The following KANK1 variants were observed in gnomAD, a reference collection of about 807,000 sequenced individuals.
The protein encoded by KANK1 is KN motif and ankyrin repeat domains 1.
A neutral mutation model predicts 106.2 loss-of-function variants in KANK1; 109 were observed. The ratio of observed to expected loss-of-function variants is 1.03; its 90% CI spans 0.88 to 1.20. KANK1 has a LOEUF of 1.20. Ranked by LOEUF, KANK1 falls within the 50% of genes most tolerant of loss-of-function variation. The probability of loss-of-function intolerance (pLI) is 0.00; values close to 1 mark genes in which losing one functional copy is unlikely to be tolerated. For missense variants in KANK1, 2,399 were observed against 1,710.7 expected (o/e 1.40, Z -7.10); for synonymous variants, 873 against 652.2 (o/e 1.34, Z -5.16).
intron 1 of KANK1, among the ~76,000 whole-genome samples, chr9:620,363 C>T (rs1832856668): frequency 6.6e-6 from 1 of 152,106 alleles, no homozygotes; most frequent in South Asian, 2.1e-4. Flanking sequence ...TAGTAAACAA[C>T]ACGTAATTCT....
intron 1 of KANK1, among the ~76,000 whole-genome samples, chr9:553,037 T>C (rs2061374036): frequency 6.6e-6 from 1 of 152,220 alleles, no homozygotes. Flanking sequence ...TCCCAGCTAC[T>C]TGGGAGGCTG....
At chr9:690,151 A>C (rs1353371063) in intron 2 of KANK1, among the ~76,000 whole-genome samples, 5 of 149,486 alleles carry the variant, frequency 3.3e-5, no homozygotes, top group Non-Finnish European at 3.0e-5. Context: ...AAAAAAAAAA[A>C]AAAAACTAGC....
At chr9:675,844 G>A (rs553947799) in intron 1 of KANK1, among the ~76,000 whole-genome samples, 9 of 152,286 alleles carry the variant, frequency 5.9e-5, no homozygotes, top group African/African-American at 2.2e-4. Flanking sequence ...TATACACACA[G>A]TTACTTCTTG....
chr9:561,071 C>T (rs908184140), intron 1 of KANK1, among the ~76,000 whole-genome samples: 17 of 152,012 alleles, frequency 1.1e-4, no homozygotes, highest in African/African-American at 3.9e-4. Context: ...CAAACAAGTT[C>T]TACATTTTAA....
intron 1 of KANK1, among the ~76,000 whole-genome samples, chr9:522,117 C>G (rs543629983): frequency 4.6e-5 from 7 of 151,794 alleles, no homozygotes; most frequent in African/African-American, 1.7e-4. Context: ...GTGATTTCCT[C>G]ATTGCTTTGA....
chr9:607,093 C>G (rs1829392531), intron 1 of KANK1, among the ~76,000 whole-genome samples: 1 of 151,910 alleles, frequency 6.6e-6, no homozygotes, highest in Non-Finnish European at 1.5e-5. Flanking sequence ...GTAATTAATA[C>G]AGTGTCACTC....
intron 3 of KANK1, among the ~76,000 whole-genome samples, chr9:727,073 A>AATAATATCTCCTATATCTCCTATATCC (rs1830875370): frequency 6.6e-6 from 1 of 152,200 alleles, no homozygotes; most frequent in Admixed American, 6.5e-5. Flanking sequence ...CTCCTATATC[A>AATAATATCTCCTATATCTCCTATATCC]AGATTTGTAA....
chr9:639,049 A>C (rs1008547380), intron 1 of KANK1, among the ~76,000 whole-genome samples: 1 of 152,148 alleles, frequency 6.6e-6, no homozygotes, highest in African/African-American at 2.4e-5. Flanking sequence ...CCTCAGTGTA[A>C]GTCTTACCTT....
At chr9:559,876 C>A (rs1298191621) in intron 1 of KANK1, among the ~76,000 whole-genome samples, 1 of 152,194 alleles carries the variant, frequency 6.6e-6, no homozygotes, top group Non-Finnish European at 1.5e-5. Flanking sequence ...TCTTCACATA[C>A]TCTTCCTTCT....
intron 2 of KANK1, among the ~76,000 whole-genome samples, chr9:693,937 C>T (rs553889395): frequency 6.6e-6 from 1 of 152,008 alleles, no homozygotes; most frequent in African/African-American, 2.4e-5. Context: ...GATTTTTGGT[C>T]CAGTGAAAAT....
chr9:491,287 T>TTG (rs1489133695), intron 3 of KANK1, among the ~76,000 whole-genome samples: 190 of 150,116 alleles, frequency 1.3e-3, no homozygotes, highest in African/African-American at 4.5e-3. Context: ...TTTTTTTTTT[T>TTG]AGACAGAGTC....
chr9:643,623 T>C (rs1838992464), intron 1 of KANK1, among the ~76,000 whole-genome samples: 1 of 141,860 alleles, frequency 7.0e-6, no homozygotes, highest in South Asian at 2.3e-4. Flanking sequence ...GGGCCAATCC[T>C]CCTGCATAGG....
intron 1 of KANK1, among the ~76,000 whole-genome samples, chr9:662,639 C>G (rs999034776): frequency 1.3e-5 from 2 of 151,332 alleles, no homozygotes; most frequent in African/African-American, 2.4e-5. Flanking sequence ...AACTGCATCC[C>G]TTCCTTACAC....
intron 1 of KANK1, among the ~76,000 whole-genome samples, chr9:656,355 C>T (rs1264562627): frequency 1.3e-5 from 2 of 152,188 alleles, no homozygotes; most frequent in African/African-American, 4.8e-5. Context: ...TGAATTTTCT[C>T]AGCTGAACAT....
At chr9:581,975 C>T (rs970167322) in intron 1 of KANK1, among the ~76,000 whole-genome samples, 2 of 152,206 alleles carry the variant, frequency 1.3e-5, no homozygotes, top group African/African-American at 4.8e-5. Context: ...GCTATCTTCT[C>T]ACCTGCTTTT....
rs1360458706 is a variant in KANK1 at position 713,024 on chromosome 9, C to G, written c.2258C>G (p.Ala753Gly). The change falls in exon 3 of 12, where the codon GCT becomes GGT. Residue 753 changes from alanine to glycine, a missense_variant. Ala to Gly is a moderately conservative substitution (Grantham distance 60). Transcript: ENST00000382297. ...SGHSGFDRPS[A>G]VKTKESGVGQ... ...CATTCTGGGTTTGACAGGCCATCAG[C>G]TGTGAAGACCAAAGAGTCAGGTGTG... is the stretch of plus-strand genomic sequence containing the variant. The G allele has an allele frequency of 6.2e-7, 1 of 1,614,170 alleles. No homozygotes were observed. Among genetic ancestry groups the G allele is most frequent in the Non-Finnish European group, 8.5e-7 (1 of 1,180,030 alleles).
At chr9:577,899 AG>A (rs1449712458) in intron 1 of KANK1, among the ~76,000 whole-genome samples, 1 of 152,220 alleles carries the variant, frequency 6.6e-6, no homozygotes, top group African/African-American at 2.4e-5. Context: ...CTTTGGGAAT[AG>A]GAGCACCCTG....
At chr9:566,042 G>T (rs1309667918) in intron 1 of KANK1, among the ~76,000 whole-genome samples, 3 of 152,146 alleles carry the variant, frequency 2.0e-5, no homozygotes, top group African/African-American at 7.2e-5. Flanking sequence ...TTAGGCTGCA[G>T]TGTCTGTTGT....
chr9:615,559 G>C (rs1831609294), intron 1 of KANK1, among the ~76,000 whole-genome samples: 1 of 152,144 alleles, frequency 6.6e-6, no homozygotes, highest in Admixed American at 6.5e-5. Context: ...GCTGGAATTT[G>C]ATTCCCACTT....
Sources: gnomAD v4.1 joint callset for allele counts (sites outside exome capture counted in the v4.1 genomes callset) on GRCh38, gnomAD v4.1.1 for gene constraint, MANE v1.5 for transcripts, NCBI Gene and HGNC (gene_info 2026-07-23, HGNC 2026-07-21) for gene names.